The following SLC35D1 variants were observed in gnomAD, a reference collection of about 807,000 sequenced individuals.
SLC35D1 encodes the protein nucleotide sugar transporter SLC35D1.
Under a neutral mutation model 46.7 loss-of-function variants are expected in SLC35D1, and 31 were observed. That is an observed-to-expected ratio of 0.66 (90% CI 0.50 to 0.90). SLC35D1 has a LOEUF of 0.90. SLC35D1 is among the 40% of genes least tolerant of loss of function. The pLI, the probability that SLC35D1 is intolerant of heterozygous loss-of-function variation, is 0.00. For synonymous variants in SLC35D1, 195 were observed against 164.6 expected, an observed-to-expected ratio of 1.18 and a Z score of -1.41; for missense variants, 397 against 426.2, an observed-to-expected ratio of 0.93 and a Z score of 0.60.
chr1:66,988,795 A>G, the SLC35D1 span, among the ~76,000 whole-genome samples: 2 of 152,206 alleles, frequency 1.3e-5, no homozygotes, highest in African/African-American at 4.8e-5. Context: ...ATATACTCTA[A>G]TATCCAGCAA....
chr1:66,988,138 CAGAT>C, the SLC35D1 span: 1 of 140,594 alleles, frequency 7.1e-6, no homozygotes, highest in African/African-American at 2.6e-5. Flanking sequence ...AATACCAAAT[CAGAT>C]AGTAAGGTTT....
chr1:67,050,597 T>G (rs1156631360), intron 4 of SLC35D1, 93 bp from the exon 5 acceptor site: 1 of 978,738 alleles, frequency 1.0e-6, no homozygotes, highest in African/African-American at 1.6e-5. Context: ...AATGCTATTC[T>G]TCCATTATGG....
chr1:67,028,239 T>A (rs1667951952), intron 8 of SLC35D1, among the ~76,000 whole-genome samples: 1 of 152,198 alleles, frequency 6.6e-6, no homozygotes, highest in African/African-American at 2.4e-5. Context: ...CTATTAAGAC[T>A]CATTTTATGG....
intron 10 of SLC35D1, among the ~76,000 whole-genome samples, chr1:67,017,506 C>T (rs1313381535): frequency 1.3e-5 from 2 of 152,046 alleles, no homozygotes; most frequent in African/African-American, 2.4e-5. Context: ...AACTAGACAA[C>T]GTAAACTTCA....
chr1:67,022,137 T>C (rs553652037), intron 8 of SLC35D1, among the ~76,000 whole-genome samples: 4 of 152,310 alleles, frequency 2.6e-5, no homozygotes, highest in African/African-American at 9.6e-5. Flanking sequence ...TATTTTGTGT[T>C]GTTGTTGTTG....
At chr1:66,978,508 T>A in the SLC35D1 span, among the ~76,000 whole-genome samples, 1 of 152,156 alleles carries the variant, frequency 6.6e-6, no homozygotes. Flanking sequence ...ATGTTAAATT[T>A]ATAGTTAATT....
At chr1:67,004,506 C>T (rs569873236) in intron 11 of SLC35D1, 58 bp from the exon 12 acceptor site, 112 of 1,461,474 alleles carry the variant, frequency 7.7e-5, no homozygotes, top group Non-Finnish European at 1.0e-4. Flanking sequence ...AGTGTAAACA[C>T]TCTACTCAGT....
the SLC35D1 span, among the ~76,000 whole-genome samples, chr1:66,979,546 C>T: frequency 6.6e-6 from 1 of 152,144 alleles, no homozygotes; most frequent in Non-Finnish European, 1.5e-5. Context: ...AATAATTTTT[C>T]CAAAAACTAA....
Position 67,052,756 on chromosome 1 carries a change from C to A in SLC35D1, c.324+15G>T, listed in dbSNP as rs918720217. 3.1e-6 allele frequency: 5 copies of A among 1,613,182 alleles called. No homozygotes were observed. In the African/African-American group the frequency reaches 5.3e-5, roughly 17 times the overall value. On this transcript the variant is annotated intron_variant, in intron 3 of 11. Coordinates refer to ENST00000235345, the MANE Select transcript of SLC35D1 (RefSeq NM_015139.3). Reference sequence around the variant, plus strand: ...CTTCATTTCACAAAATAAAGTATCGCTTTTCTTCTTTTACCTTTCGAGGTA... The same window carrying A: ...CTTCATTTCACAAAATAAAGTATCGATTTTCTTCTTTTACCTTTCGAGGTA...
chr1:66,984,788 C>T, the SLC35D1 span: 1 of 1,613,968 alleles, frequency 6.2e-7, no homozygotes, highest in Non-Finnish European at 8.5e-7. Context: ...GAGAGACCTG[C>T]CAAAAGGCGA....
chr1:66,977,137 C>T, the SLC35D1 span, among the ~76,000 whole-genome samples: 53 of 150,134 alleles, frequency 3.5e-4, no homozygotes, highest in African/African-American at 1.2e-3. Context: ...GAGATGTAGT[C>T]TCAAATCTGT....
At chr1:67,051,190 C>G (rs1032761375) in intron 4 of SLC35D1, among the ~76,000 whole-genome samples, 1 of 152,130 alleles carries the variant, frequency 6.6e-6, no homozygotes, top group Non-Finnish European at 1.5e-5. Context: ...TCCTTGGAAC[C>G]CTCTTCAGAG....
chr1:67,053,490 A>C (rs1424361721), intron 1 of SLC35D1, among the ~76,000 whole-genome samples: 1 of 152,168 alleles, frequency 6.6e-6, no homozygotes, highest in Non-Finnish European at 1.5e-5. Context: ...ATAACGGCTC[A>C]AAAGTCACCA....
At chr1:66,990,239 A>T in the SLC35D1 span, among the ~76,000 whole-genome samples, 1 of 152,136 alleles carries the variant, frequency 6.6e-6, no homozygotes, top group Non-Finnish European at 1.5e-5. Context: ...GTTTGCATTT[A>T]AAAAACACAC....
At chr1:67,028,968 AAGACTG>A (rs1433184321) in intron 8 of SLC35D1, among the ~76,000 whole-genome samples, 1 of 152,138 alleles carries the variant, frequency 6.6e-6, no homozygotes, top group Non-Finnish European at 1.5e-5. Context: ...CTGTCATCCA[AAGACTG>A]AAAAATGTTG....
chr1:66,985,380 A>C, the SLC35D1 span: 2 of 984,490 alleles, frequency 2.0e-6, no homozygotes, highest in Non-Finnish European at 2.4e-6. Context: ...CTCACCAAAC[A>C]GTTTGAGTAT....
At position 67,050,436 on chromosome 1, in the gene SLC35D1, A is replaced by C; in HGVS notation, c.461T>G (p.Leu154Arg). 1 of 1,611,920 alleles carries C rather than the reference A, an allele frequency of 6.2e-7. No individual in the cohort carries two copies. The highest frequency in any genetic ancestry group is 8.5e-7 in the Non-Finnish European group (1 of 1,178,168). ...LFTMFAEGVL[L>R]KKTFSWGIKM... ...ATATATTAGAAACTTAGCTCACTTGAGTAAAACTCCTTCAGCAAACATTGT... is the reference window on the plus strand; with the variant it reads ...ATATATTAGAAACTTAGCTCACTTGCGTAAAACTCCTTCAGCAAACATTGT... Residue 154 changes from leucine (L) to arginine (R), a missense_variant, in exon 5 of 12, where the codon CTC (leucine) becomes CGC (arginine). Transcript: ENST00000235345.
chr1:67,002,498 T>C lies in SLC35D1; in HGVS notation c.*1842A>G, dbSNP rs1260881307. ...GAGTTTTGTTTTCTCATTGGTAAAATAGGGAGAGTAAGACCCATATGACAC... is the reference window on the plus strand; with the variant it reads ...GAGTTTTGTTTTCTCATTGGTAAAACAGGGAGAGTAAGACCCATATGACAC... On this transcript the variant is annotated 3_prime_UTR_variant, in exon 12 of 12. Coordinates refer to ENST00000235345, the MANE Select transcript of SLC35D1 (RefSeq NM_015139.3). The C allele has an allele frequency of 6.6e-6, 1 of 152,304 alleles. No individual in the cohort carries two copies. Among genetic ancestry groups the C allele is most frequent in the Non-Finnish European group, 1.5e-5 (1 of 68,056 alleles). 9.4% of individuals were successfully genotyped at this position (152,304 alleles called of 1,614,324 possible).
At chr1:66,982,938 G>A in the SLC35D1 span, among the ~76,000 whole-genome samples, 6 of 152,176 alleles carry the variant, frequency 3.9e-5, no homozygotes, top group African/African-American at 1.4e-4. Flanking sequence ...CTCTGACCTT[G>A]GGACTAACCG....
Sources: gnomAD v4.1 joint callset for allele counts (sites outside exome capture counted in the v4.1 genomes callset) on GRCh38, gnomAD v4.1.1 for gene constraint, MANE v1.5 for transcripts, NCBI Gene and HGNC (gene_info 2026-07-23, HGNC 2026-07-21) for gene names.